Variants in GRB14 observed in about 807,000 individuals in gnomAD.
GRB14 encodes growth factor receptor-bound protein 14.
Under a neutral mutation model 69.1 loss-of-function variants are expected in GRB14, and 38 were observed. The observed-to-expected ratio is 0.55, with a 90% CI of 0.42 to 0.72. The LOEUF (loss-of-function observed/expected upper bound fraction) is 0.72, where lower values mean the gene tolerates loss of function less well. GRB14 is among the 30% of genes least tolerant of loss of function. The probability of loss-of-function intolerance (pLI) is 0.00; values close to 1 mark genes in which losing one functional copy is unlikely to be tolerated. For synonymous variants in GRB14, 247 were observed against 241.3 expected, an observed-to-expected ratio of 1.02 and a Z score of -0.22; for missense variants, 666 against 666.1, an observed-to-expected ratio of 1.00 and a Z score of 0.00.
chr2:164,557,088 A>G (rs776612675), intron 2 of GRB14, among the ~76,000 whole-genome samples: 1 of 152,228 alleles, frequency 6.6e-6, no homozygotes, highest in Non-Finnish European at 1.5e-5. Flanking sequence ...GAGCCATTTC[A>G]TATCTGGGAT....
In GRB14 at chr2:164,606,417, A is replaced by G. The variant is rs73971065; in HGVS notation, c.324+13270T>C. ...AGATATCATGGAACTTGGCGGGTAA[A>G]TCTGTATTGAAGAGACTTTCATTAC... On this transcript the variant is annotated intron_variant, in intron 2 of 13. Coordinates refer to ENST00000263915, the MANE Select transcript of GRB14 (RefSeq NM_004490.3). Among the ~76,000 whole-genome samples, 303 of 152,322 alleles carry G rather than the reference A, an allele frequency of 2.0e-3. 1 individual carries two copies. Among genetic ancestry groups the G allele is most frequent in the African/African-American group, 7.0e-3 (293 of 41,574 alleles).
intron 12 of GRB14, 79 bp from the exon 13 acceptor site, chr2:164,494,603 A>C: frequency 1.2e-6 from 1 of 826,984 alleles, no homozygotes. Context: ...TAAATCCAAG[A>C]AGTGTATGCA....
chr2:164,584,461 T>C (rs1005407927), intron 2 of GRB14, among the ~76,000 whole-genome samples: 7 of 152,096 alleles, frequency 4.6e-5, no homozygotes, highest in Non-Finnish European at 7.4e-5. Context: ...TATCTTTAAG[T>C]ACTTTTCCAT....
chr2:164,535,450 C>T (rs1688055425), intron 3 of GRB14, among the ~76,000 whole-genome samples: 1 of 152,172 alleles, frequency 6.6e-6, no homozygotes, highest in Non-Finnish European at 1.5e-5. Flanking sequence ...CTGCCAAGTA[C>T]AGCGTGGAGC....
At chr2:164,596,028 G>T (rs183208075) in intron 2 of GRB14, among the ~76,000 whole-genome samples, 98 of 152,284 alleles carry the variant, frequency 6.4e-4, no homozygotes, top group African/African-American at 2.1e-3. Flanking sequence ...GAAGGCTGAG[G>T]CAGGAGAATC....
rs568913365 is a variant in GRB14 at position 164,492,759 on chromosome 2, C to T, written c.*277G>A. ...ATAAGGGAGACATGTTTTAAATATG[C>T]ATATTTGAAGAAAATATTATAGCAA... On this transcript the variant is annotated 3_prime_UTR_variant, in exon 14 of 14. Transcript: ENST00000263915. The T allele has an allele frequency of 2.5e-4, 65 of 257,572 alleles. No individual in the cohort carries two copies. In the Middle Eastern group the frequency reaches 7.0e-3, roughly 28 times the overall value. The allele number at this position is 257,572 out of a possible 1,614,324, so 16.0% of individuals were successfully genotyped here. A position where few individuals can be genotyped will look rare whatever the true frequency, so the allele number is the denominator to read the frequency against.
chr2:164,576,566 A>G (rs1289348555), intron 2 of GRB14, among the ~76,000 whole-genome samples: 1 of 151,934 alleles, frequency 6.6e-6, no homozygotes, highest in Non-Finnish European at 1.5e-5. Context: ...AGACTCTTCA[A>G]ATAACTCTTC....
intron 9 of GRB14, 150 bp from the exon 10 acceptor site, chr2:164,497,640 A>C (rs1289324787): frequency 1.5e-5 from 9 of 601,764 alleles, no homozygotes; most frequent in Non-Finnish European, 2.7e-5. Context: ...TGAAGGGGCT[A>C]GCAGAATATT....
Position 164,508,848 on chromosome 2 carries a change from G to A in GRB14, c.821C>T (p.Pro274Leu), listed in dbSNP as rs775435444. 1.5e-5 allele frequency: 23 copies of A among 1,561,704 alleles called. No homozygotes were observed. Among genetic ancestry groups the A allele is most frequent in the South Asian group, 6.1e-5 (5 of 81,342 alleles). The change falls in exon 7 of 14, where the codon CCG becomes CTG. Residue 274 changes from proline (P) to leucine (L), a missense_variant. Physicochemically the swap from Pro to Leu is moderately conservative, Grantham distance 98 (BLOSUM62 -3). Transcript: ENST00000263915. ...YFSTKGTSKEPRHLQFFSEFG... is the reference protein window; with the variant it reads ...YFSTKGTSKELRHLQFFSEFG... ...TTCGCTGAAAAACTGCAAATGCCGCGGTTCCTTAAAAAAAAAAGTATTGAC... is the reference window on the plus strand; with the variant it reads ...TTCGCTGAAAAACTGCAAATGCCGCAGTTCCTTAAAAAAAAAAGTATTGAC...
At chr2:164,512,011 C>G (rs187059801) in intron 6 of GRB14, among the ~76,000 whole-genome samples, 6 of 152,122 alleles carry the variant, frequency 3.9e-5, no homozygotes, top group Admixed American at 2.0e-4. Flanking sequence ...TCCCTGGGGA[C>G]TTGTAGTAAT....
intron 2 of GRB14, among the ~76,000 whole-genome samples, chr2:164,571,705 T>C (rs1194765848): frequency 6.6e-6 from 1 of 152,110 alleles, no homozygotes; most frequent in Non-Finnish European, 1.5e-5. Context: ...ATTGAATAGA[T>C]GAGGAAATTA....
chr2:164,544,426 G>A (rs988523195), intron 3 of GRB14, among the ~76,000 whole-genome samples: 4 of 151,924 alleles, frequency 2.6e-5, no homozygotes, highest in Non-Finnish European at 4.4e-5. Flanking sequence ...AAGTCCCCCC[G>A]AAAGAAAAAT....
chr2:164,592,123 GT>G (rs145559197), intron 2 of GRB14, among the ~76,000 whole-genome samples: 15 of 147,694 alleles, frequency 1.0e-4, no homozygotes, highest in East Asian at 7.9e-4. Context: ...CCAGTCATGG[GT>G]TTTTTTTTTG....
intron 13 of GRB14, among the ~76,000 whole-genome samples, chr2:164,493,552 C>T (rs1029384988): frequency 6.6e-6 from 1 of 152,082 alleles, no homozygotes; most frequent in African/African-American, 2.4e-5. Context: ...ATGTTGTCTA[C>T]TTAGCCACAA....
intron 2 of GRB14, among the ~76,000 whole-genome samples, chr2:164,584,875 A>G (rs531180585): frequency 1.3e-5 from 2 of 152,238 alleles, no homozygotes; most frequent in East Asian, 3.9e-4. Context: ...ATTGTTCAGT[A>G]TCTTTGATTT....
chr2:164,567,796 C>A (rs1689016447), intron 2 of GRB14, among the ~76,000 whole-genome samples: 1 of 152,066 alleles, frequency 6.6e-6, no homozygotes, highest in Admixed American at 6.6e-5. Context: ...GAAAGTTTTT[C>A]TTAAGCAAAT....
At chr2:164,605,014 A>G (rs1279013126) in intron 2 of GRB14, among the ~76,000 whole-genome samples, 1 of 152,228 alleles carries the variant, frequency 6.6e-6, no homozygotes, top group Non-Finnish European at 1.5e-5. Flanking sequence ...AGATTTGGGA[A>G]TGGCTAATTT....
intron 6 of GRB14, among the ~76,000 whole-genome samples, chr2:164,519,061 A>G (rs1172425972): frequency 1.3e-5 from 2 of 152,166 alleles, no homozygotes; most frequent in Non-Finnish European, 2.9e-5. Context: ...AGGAAAGGAC[A>G]CAACAAAAGA....
intron 2 of GRB14, among the ~76,000 whole-genome samples, chr2:164,606,981 G>A (rs1264574379): frequency 6.6e-6 from 1 of 152,158 alleles, no homozygotes; most frequent in Non-Finnish European, 1.5e-5. Context: ...TACATGGGCT[G>A]CTAAGACTGA....
Sources: allele counts gnomAD v4.1 joint callset (sites outside exome capture counted in the v4.1 genomes callset), GRCh38; gene constraint gnomAD v4.1.1; transcripts MANE v1.5; gene names NCBI Gene and HGNC (gene_info 2026-07-23, HGNC 2026-07-21).